Variants in KCNMA1 observed in about 807,000 individuals in gnomAD.
KCNMA1 encodes the protein potassium calcium-activated channel subfamily M alpha 1.
KCNMA1 carries 29 observed loss-of-function variants against 140.0 expected under a neutral mutation model. That is an observed-to-expected ratio of 0.21 (90% CI 0.15 to 0.28). The LOEUF (loss-of-function observed/expected upper bound fraction) is 0.28. Among genes scored for constraint, KCNMA1 ranks in the 10% least tolerant of loss-of-function variants. KCNMA1 has a pLI of 1.00. For missense variants in KCNMA1, 880 were observed against 1,602.2 expected (o/e 0.55, Z 7.70); for synonymous variants, 612 against 611.9 (o/e 1.00, Z 0.00).
intron 1 of KCNMA1, among the ~76,000 whole-genome samples, chr10:77,604,844 C>G (rs1251829524): frequency 1.3e-5 from 2 of 152,194 alleles, no homozygotes; most frequent in East Asian, 3.8e-4. Context: ...AGGTCTCAGG[C>G]TCACCTGGAA....
chr10:76,993,047 C>G (rs980083051), intron 19 of KCNMA1, among the ~76,000 whole-genome samples: 4 of 152,190 alleles, frequency 2.6e-5, no homozygotes, highest in Non-Finnish European at 5.9e-5. Flanking sequence ...CCCATGAGCT[C>G]TAACTGAAGC....
Position 77,403,942 on chromosome 10 carries a change from C to T in KCNMA1, c.460G>A (p.Ala154Thr), listed in dbSNP as rs142858967. The change falls in exon 2 of 28, where the codon GCC (alanine) becomes ACC (threonine). Residue 154 changes from alanine (A) to threonine (T), a missense_variant. Physicochemically the swap from Ala to Thr is moderately conservative, Grantham distance 58. Coordinates refer to ENST00000286628, the MANE Select transcript of KCNMA1 (RefSeq NM_001161352.2). ...ACGGAGGTCATCCAGCCGACCTCGG[C>T]GGCCACTGCCTCCTCTTTTTCATCC... The part of the protein sequence containing the change: ...PVDEKEEAVA[A>T]EVGWMTSVKD... The T allele has an allele frequency of 1.5e-5, 25 of 1,614,008 alleles. No homozygotes were observed. The highest frequency in any genetic ancestry group is 8.0e-5 in the African/African-American group (6 of 74,934).
intron 1 of KCNMA1, among the ~76,000 whole-genome samples, chr10:77,544,150 CTGTGTGTGTGTGTGTG>C (rs35370605): frequency 2.1e-5 from 3 of 142,458 alleles, no homozygotes; most frequent in African/African-American, 5.2e-5. Context: ...ATCTTTCCAG[CTGTGTGTGTGTGTGTG>C]TGTGTGTGTG....
chr10:77,336,471 A>G (rs1392886129), intron 2 of KCNMA1, among the ~76,000 whole-genome samples: 3 of 152,232 alleles, frequency 2.0e-5, no homozygotes, highest in Admixed American at 1.3e-4. Flanking sequence ...AAGAAAAAAA[A>G]AAGAAAAATC....
At chr10:77,254,738 C>T (rs2060372661) in intron 2 of KCNMA1, among the ~76,000 whole-genome samples, 1 of 152,138 alleles carries the variant, frequency 6.6e-6, no homozygotes, top group Non-Finnish European at 1.5e-5. Flanking sequence ...AGTACCACTA[C>T]TCTAATATCT....
At chr10:77,075,603 A>G (rs1352718599) in intron 13 of KCNMA1, among the ~76,000 whole-genome samples, 1 of 152,162 alleles carries the variant, frequency 6.6e-6, no homozygotes, top group Admixed American at 6.5e-5. Flanking sequence ...TTCTGTAGGC[A>G]TATTTTGAGC....
At chr10:77,044,269 G>A (rs1594625518) in intron 14 of KCNMA1, among the ~76,000 whole-genome samples, 1 of 152,022 alleles carries the variant, frequency 6.6e-6, no homozygotes, top group East Asian at 1.9e-4. Context: ...TCTAAGTCTC[G>A]AGTGTGGTAT....
chr10:77,377,542 G>C (rs2095202463), intron 2 of KCNMA1, among the ~76,000 whole-genome samples: 2 of 152,162 alleles, frequency 1.3e-5, no homozygotes, highest in Non-Finnish European at 2.9e-5. Context: ...TCCAGAGAAG[G>C]CTGGCATTAG....
chr10:77,395,058 C>G (rs1262645579), intron 2 of KCNMA1, among the ~76,000 whole-genome samples: 1 of 152,064 alleles, frequency 6.6e-6, no homozygotes, highest in Non-Finnish European at 1.5e-5. Context: ...TAAAAAATAA[C>G]CATTTAGGCC....
At chr10:76,920,020 G>GTGTGTATATATATA (rs1177257916) in intron 23 of KCNMA1, among the ~76,000 whole-genome samples, 15 of 34,426 alleles carry the variant, frequency 4.4e-4, no homozygotes, top group South Asian at 1.2e-3. Flanking sequence ...GTGTGTGTGT[G>GTGTGTATATATATA]TATATATATA....
chr10:77,329,769 C>A (rs2085634314), intron 2 of KCNMA1, among the ~76,000 whole-genome samples: 1 of 152,218 alleles, frequency 6.6e-6, no homozygotes, highest in African/African-American at 2.4e-5. Context: ...TCAATCCTAA[C>A]CTCTGATTCC....
chr10:77,246,314 T>C (rs941273969), intron 3 of KCNMA1, among the ~76,000 whole-genome samples: 1 of 152,236 alleles, frequency 6.6e-6, no homozygotes, highest in Non-Finnish European at 1.5e-5. Flanking sequence ...GGAATAGTAA[T>C]ACCTATCCTA....
At chr10:76,934,957 A>G (rs1204148108) in intron 23 of KCNMA1, among the ~76,000 whole-genome samples, 1 of 152,214 alleles carries the variant, frequency 6.6e-6, no homozygotes, top group African/African-American at 2.4e-5. Context: ...AGTAACAGCT[A>G]GGTCTCAAAT....
At chr10:77,110,757 C>T (rs571304247) in intron 7 of KCNMA1, among the ~76,000 whole-genome samples, 2 of 152,346 alleles carry the variant, frequency 1.3e-5, no homozygotes, top group African/African-American at 2.4e-5. Context: ...CCCAGATGGC[C>T]TGGATCTGCC....
intron 25 of KCNMA1, chr10:76,904,169 C>T (rs2046807439): frequency 6.6e-6 from 1 of 152,222 alleles, no homozygotes; most frequent in African/African-American, 2.4e-5. Flanking sequence ...TAACATCATT[C>T]CCATTTAACA....
intron 5 of KCNMA1, among the ~76,000 whole-genome samples, chr10:77,155,389 G>A (rs1564865318): frequency 6.6e-6 from 1 of 152,070 alleles, no homozygotes; most frequent in African/African-American, 2.4e-5. Flanking sequence ...CTTACATGCG[G>A]TGGCCATGGT....
rs149165109 is a variant in KCNMA1 at position 77,352,508 on chromosome 10, T to C, written c.540+51354A>G. Among the ~76,000 whole-genome samples, 1,152 of 152,310 alleles carry C rather than the reference T, an allele frequency of 7.6e-3. 12 individuals are homozygous for C. The highest frequency in any genetic ancestry group is 0.012 in the Non-Finnish European group (828 of 68,028). ...TATTGAGTACTCAAAAGGTGGCTAA[T>C]GCAAAGAGAAACTGAACCTGTAATT... On this transcript the variant is annotated intron_variant, in intron 2 of 27. Transcript: ENST00000286628.
intron 14 of KCNMA1, among the ~76,000 whole-genome samples, chr10:77,040,811 T>C (rs1255244419): frequency 6.6e-6 from 1 of 152,226 alleles, no homozygotes; most frequent in Non-Finnish European, 1.5e-5. Context: ...TTCAGAGATG[T>C]CTTGCTCCAA....
chr10:77,451,368 G>A (rs948834381), intron 1 of KCNMA1, among the ~76,000 whole-genome samples: 15 of 152,170 alleles, frequency 9.9e-5, no homozygotes, highest in Non-Finnish European at 1.5e-5. Context: ...CCAGCGAGAG[G>A]TCACATCTGC....
Sources: allele counts gnomAD v4.1 joint callset (sites outside exome capture counted in the v4.1 genomes callset), GRCh38; gene constraint gnomAD v4.1.1; transcripts MANE v1.5; gene names NCBI Gene and HGNC (gene_info 2026-07-23, HGNC 2026-07-21).